Variants in CCNC observed in about 807,000 individuals in gnomAD.
CCNC encodes the protein cyclin-C.
A neutral mutation model predicts 50.0 loss-of-function variants in CCNC; 19 were observed. That is an observed-to-expected ratio of 0.38 (90% CI 0.27 to 0.56). The LOEUF is 0.56. Ranked by LOEUF, CCNC falls within the 20% of genes least tolerant of loss-of-function variation. CCNC has a pLI of 0.72. For missense variants in CCNC, 200 were observed against 327.1 expected, an observed-to-expected ratio of 0.61 and a Z score of 3.00; for synonymous variants, 93 against 103.7, an observed-to-expected ratio of 0.90 and a Z score of 0.63.
intron 11 of CCNC, 81 bp from the exon 12 acceptor site, chr6:99,543,690 A>T: frequency 6.3e-7 from 1 of 1,580,650 alleles, no homozygotes; most frequent in Non-Finnish European, 8.6e-7. Flanking sequence ...TGACTTTTAA[A>T]TTCATTATTC....
chr6:99,565,633 T>C (rs1489653198), intron 1 of CCNC, among the ~76,000 whole-genome samples: 1 of 152,084 alleles, frequency 6.6e-6, no homozygotes, highest in African/African-American at 2.4e-5. Flanking sequence ...ATTATCTCAA[T>C]GTTTCACCAC....
At chr6:99,544,153 TTAAAAA>T (rs2128865903) in intron 11 of CCNC, 1 of 1,498,298 alleles carries the variant, frequency 6.7e-7, no homozygotes, top group Admixed American at 2.2e-5. Context: ...TGCTGAATAC[TTAAAAA>T]TAACTAAAAC....
At position 99,561,437 on chromosome 6, in the gene CCNC, C is replaced by A; in HGVS notation, c.225-1G>T. On this transcript the variant is annotated splice_acceptor_variant, in intron 3 of 11. Coordinates refer to ENST00000520429, the MANE Select transcript of CCNC (RefSeq NM_005190.4). LOFTEE classifies it high-confidence loss of function. ...AGGATCTATACTTTTCAGAGAATAC[C>A]TAAAATATGATAAAACAAAGTTAAA... The A allele has an allele frequency of 6.4e-7, 1 of 1,550,826 alleles. No homozygotes were observed.
At chr6:99,568,011 C>G (rs986553054) in intron 1 of CCNC, 1 of 155,876 alleles carries the variant, frequency 6.4e-6, no homozygotes, top group African/African-American at 2.4e-5. Context: ...TAGGCAGAAA[C>G]AAGCCAGACT....
rs527374504 is a variant in CCNC at position 99,563,669 on chromosome 6, TC to T, written c.33-722del. Among the ~76,000 whole-genome samples, 26 of 152,340 alleles carry T rather than the reference TC, an allele frequency of 1.7e-4. 1 individual carries two copies. The South Asian group carries it at 5.4e-3, about 32-fold the overall frequency. On this transcript the variant is annotated intron_variant, in intron 1 of 11. Coordinates refer to ENST00000520429, the MANE Select transcript of CCNC (RefSeq NM_005190.4). Reference sequence around the variant, plus strand: ...AGGTCGTCATTTTTCACCCATATTTTCTGATACCCTTAAGGGCTTTTTTCCT... The same window carrying T: ...AGGTCGTCATTTTTCACCCATATTTTTGATACCCTTAAGGGCTTTTTTCCT...
chr6:99,567,681 A>G (rs563978026), intron 1 of CCNC, among the ~76,000 whole-genome samples: 172 of 152,312 alleles, frequency 1.1e-3, no homozygotes, highest in African/African-American at 3.9e-3. Flanking sequence ...AATTCTGTTC[A>G]TCTTTCAACT....
chr6:99,549,958 T>C (rs1433738792), intron 8 of CCNC, among the ~76,000 whole-genome samples: 5 of 152,156 alleles, frequency 3.3e-5, no homozygotes, highest in Non-Finnish European at 7.4e-5. Context: ...ACTTCAGTCT[T>C]AATTTTTATG....
intron 1 of CCNC, 96 bp downstream of exon 1, chr6:99,568,400 A>C: frequency 8.0e-7 from 1 of 1,246,932 alleles, no homozygotes; most frequent in Non-Finnish European, 1.2e-6. Flanking sequence ...CGGCACTCGG[A>C]ACTGAGCTGG....
At chr6:99,547,305 TAAAA>T (rs1209702600) in intron 9 of CCNC, among the ~76,000 whole-genome samples, 1 of 151,620 alleles carries the variant, frequency 6.6e-6, no homozygotes, top group Non-Finnish European at 1.5e-5. Context: ...AAGAAGAGGT[TAAAA>T]AAAACCAAAT....
intron 9 of CCNC, 32 bp from the exon 10 acceptor site, chr6:99,546,506 T>C (rs1802076383): frequency 2.2e-6 from 3 of 1,336,388 alleles, no homozygotes; most frequent in Non-Finnish European, 3.2e-6. Flanking sequence ...ACTGTCCATG[T>C]TTAACTGCAA....
At chr6:99,557,340 T>A (rs1452845030) in intron 5 of CCNC, 2 of 152,086 alleles carry the variant, frequency 1.3e-5, no homozygotes, top group African/African-American at 4.8e-5. Flanking sequence ...TGTTTTCCAG[T>A]GATAATGATG....
At chr6:99,548,185 TGTAA>T (rs1370730381) in intron 9 of CCNC, among the ~76,000 whole-genome samples, 1 of 152,104 alleles carries the variant, frequency 6.6e-6, no homozygotes, top group Non-Finnish European at 1.5e-5. Flanking sequence ...TGTTTCGGCA[TGTAA>T]GTGATAGTAG....
At chr6:99,568,323 CG>C in intron 1 of CCNC, 172 bp downstream of exon 1, 2 of 607,570 alleles carry the variant, frequency 3.3e-6, no homozygotes, top group Non-Finnish European at 2.9e-6. Flanking sequence ...GGGCTGGGGG[CG>C]GGGAGGGGAG....
In CCNC at chr6:99,562,896, A is replaced by G; in HGVS notation, c.85T>C (p.Leu29=). Reference sequence around the variant, plus strand: ...TATTCTTCCTCTGAGAGAAACTTTAAATCCTTTTGGCGCTCCTTCAACAGA... The same window carrying G: ...TATTCTTCCTCTGAGAGAAACTTTAGATCCTTTTGGCGCTCCTTCAACAGA... ...QDLLKERQKD[L]KFLSEEEYWK... Residue 29 remains leucine, a synonymous_variant, in exon 2 of 12, where the codon TTA becomes CTA. Coordinates refer to ENST00000520429, the MANE Select transcript of CCNC (RefSeq NM_005190.4). The G allele has an allele frequency of 6.2e-7, 1 of 1,606,752 alleles. No individual in the cohort carries two copies. Among genetic ancestry groups the G allele is most frequent in the Non-Finnish European group, 8.5e-7 (1 of 1,177,986 alleles).
chr6:99,543,206 T>TTAA lies in CCNC; in HGVS notation c.*346_*348dup, dbSNP rs1401014299. On this transcript the variant is annotated 3_prime_UTR_variant, in exon 12 of 12. Transcript: ENST00000520429. ...GGTCCCTCAATGACCAAAGAGAATT[T>TTAA]TAAACAAATTATGCTTCATGTTTCC... The TTAA allele has an allele frequency of 6.1e-6, 1 of 162,646 alleles. No individual in the cohort carries two copies. Among genetic ancestry groups the TTAA allele is most frequent in the Non-Finnish European group, 1.3e-5 (1 of 74,850 alleles). The allele number at this position is 162,646 out of a possible 1,614,324, so 10.1% of individuals were successfully genotyped here.
In CCNC at chr6:99,561,543, A is replaced by T. The variant is rs979026166; in HGVS notation, c.224+54T>A. On this transcript the variant is annotated intron_variant, in intron 3 of 11. Coordinates refer to ENST00000520429, the MANE Select transcript of CCNC (RefSeq NM_005190.4). ...CACATGATTCATTTACACTGTGCTA[A>T]GGTTCATCAACATTAGATAAGAGTT... 5 of 1,405,214 alleles carry T rather than the reference A, an allele frequency of 3.6e-6. No individual in the cohort carries two copies. In the African/African-American group the frequency reaches 7.1e-5, roughly 20 times the overall value. The allele number at this position is 1,405,214 out of a possible 1,614,324, so 87.0% of individuals were successfully genotyped here.
intron 4 of CCNC, among the ~76,000 whole-genome samples, chr6:99,560,259 T>C (rs9484021): frequency 0.26 from 39,211 of 152,072 alleles, 5,258 homozygotes; most frequent in East Asian, 0.37. Context: ...AAATATTACA[T>C]AGAATTATTA....
intron 1 of CCNC, among the ~76,000 whole-genome samples, chr6:99,567,372 C>T (rs1202962099): frequency 6.6e-6 from 1 of 150,862 alleles, no homozygotes; most frequent in Non-Finnish European, 1.5e-5. Context: ...TGTGTGAAAA[C>T]AATGCAACAT....
At chr6:99,554,097 TGACA>T (rs1802419630) in intron 5 of CCNC, among the ~76,000 whole-genome samples, 3 of 151,708 alleles carry the variant, frequency 2.0e-5, no homozygotes, top group Non-Finnish European at 2.9e-5. Flanking sequence ...TTGATGACTT[TGACA>T]GTTTTTAGGA....
Sources: gnomAD v4.1 joint callset for allele counts (sites outside exome capture counted in the v4.1 genomes callset) on GRCh38, gnomAD v4.1.1 for gene constraint, MANE v1.5 for transcripts, NCBI Gene and HGNC (gene_info 2026-07-23, HGNC 2026-07-21) for gene names.